Variants in COL23A1 observed in about 807,000 individuals in gnomAD.
COL23A1 encodes the protein collagen alpha-1(XXIII) chain.
A neutral mutation model predicts 99.3 loss-of-function variants in COL23A1; 97 were observed. That is an observed-to-expected ratio of 0.98 (90% CI 0.83 to 1.16). The LOEUF (loss-of-function observed/expected upper bound fraction) is 1.16, where lower values mean the gene tolerates loss of function less well. Among genes scored for constraint, COL23A1 ranks in the 50% most tolerant of loss-of-function variants. The pLI is 0.00. For missense variants in COL23A1, 762 were observed against 757.4 expected, an observed-to-expected ratio of 1.01 and a Z score of -0.07; for synonymous variants, 320 against 308.2, an observed-to-expected ratio of 1.04 and a Z score of -0.40.
At chr5:178,493,734 G>C (rs1425198979) in intron 2 of COL23A1, among the ~76,000 whole-genome samples, 1 of 152,236 alleles carries the variant, frequency 6.6e-6, no homozygotes, top group Non-Finnish European at 1.5e-5. Flanking sequence ...GAAATACAGT[G>C]GCTGCACGCA....
chr5:178,312,141 T>C (rs1758727990), intron 2 of COL23A1, among the ~76,000 whole-genome samples: 1 of 152,198 alleles, frequency 6.6e-6, no homozygotes, highest in Non-Finnish European at 1.5e-5. Flanking sequence ...ACGGAGCCCT[T>C]GACTGCACTT....
chr5:178,496,403 T>G (rs1283479845), intron 2 of COL23A1, among the ~76,000 whole-genome samples: 1 of 152,174 alleles, frequency 6.6e-6, no homozygotes, highest in East Asian at 1.9e-4. Context: ...GAGAAAGGAA[T>G]GCCTTCTTGT....
intron 2 of COL23A1, among the ~76,000 whole-genome samples, chr5:178,430,937 G>A (rs1399583335): frequency 6.6e-6 from 1 of 152,098 alleles, no homozygotes; most frequent in Non-Finnish European, 1.5e-5. Flanking sequence ...TCATACAGAC[G>A]TAAAGACATG....
chr5:178,249,651 A>G (rs1250783160), intron 18 of COL23A1, among the ~76,000 whole-genome samples: 2 of 149,300 alleles, frequency 1.3e-5, no homozygotes, highest in Admixed American at 1.3e-4. Flanking sequence ...ATAGCAAGTG[A>G]CCCCACGAAT....
intron 2 of COL23A1, among the ~76,000 whole-genome samples, chr5:178,337,536 C>T (rs549874176): frequency 2.6e-5 from 4 of 152,142 alleles, no homozygotes; most frequent in South Asian, 2.1e-4. Flanking sequence ...GACAGAGAGA[C>T]GGAGTGGGGT....
chr5:178,478,187 G>A (rs1369895006), intron 2 of COL23A1, among the ~76,000 whole-genome samples: 1 of 152,174 alleles, frequency 6.6e-6, no homozygotes, highest in Non-Finnish European at 1.5e-5. Context: ...AGCCCCTTCC[G>A]AGCTCTGTAC....
At chr5:178,256,641 G>A (rs1271309210) in intron 14 of COL23A1, among the ~76,000 whole-genome samples, 1 of 152,228 alleles carries the variant, frequency 6.6e-6, no homozygotes, top group Non-Finnish European at 1.5e-5. Context: ...AGGCTGCATG[G>A]TGAGTTGGCC....
intron 10 of COL23A1, 55 bp from the exon 11 acceptor site, chr5:178,261,803 C>T: frequency 7.0e-7 from 1 of 1,433,018 alleles, no homozygotes; most frequent in Non-Finnish European, 9.9e-7. Flanking sequence ...GCTCCTGGGC[C>T]TGTCCTTCTT....
At chr5:178,543,876 GT>G (rs1761434259) in intron 2 of COL23A1, among the ~76,000 whole-genome samples, 1 of 152,152 alleles carries the variant, frequency 6.6e-6, no homozygotes, top group African/African-American at 2.4e-5. Context: ...TCTGGAGGCT[GT>G]AAGGCGCCTG....
At chr5:178,524,139 G>A (rs1347668880) in intron 2 of COL23A1, among the ~76,000 whole-genome samples, 1 of 152,170 alleles carries the variant, frequency 6.6e-6, no homozygotes, top group Non-Finnish European at 1.5e-5. Flanking sequence ...TGCCCCTCTT[G>A]ACTGAAAAAT....
chr5:178,251,613 G>A (rs1292670650), intron 17 of COL23A1, among the ~76,000 whole-genome samples: 1 of 152,176 alleles, frequency 6.6e-6, no homozygotes, highest in Non-Finnish European at 1.5e-5. Context: ...GGGGTACACG[G>A]GCAGGGTTGT....
intron 2 of COL23A1, among the ~76,000 whole-genome samples, chr5:178,358,254 GTATGTATA>G (rs1561896852): frequency 1.4e-5 from 2 of 144,088 alleles, no homozygotes; most frequent in South Asian, 2.2e-4. Context: ...GTATGTGTGT[GTATGTATA>G]TGTGTGTATA....
intron 5 of COL23A1, among the ~76,000 whole-genome samples, chr5:178,275,308 G>T (rs1756522483): frequency 6.6e-6 from 1 of 152,246 alleles, no homozygotes; most frequent in Admixed American, 6.5e-5. Context: ...GGGGGACAGT[G>T]CTGGGAGCGA....
rs898531084 is a variant in COL23A1, at chr5:178,552,870, C to T, written c.361+7812G>A. Among the ~76,000 whole-genome samples the T allele has an allele frequency of 3.3e-5, 5 of 152,170 alleles. No individual in the cohort carries two copies. In the East Asian group the frequency reaches 7.8e-4, roughly 24 times the overall value. The stretch of plus-strand genomic sequence containing the variant: ...CTGGGACTACAGGCGCGTGCCACCA[C>T]ACCTGGCTAATTTTTGTATTTTTAG... On this transcript the variant is annotated intron_variant, in intron 2 of 28. Transcript: ENST00000390654.
At chr5:178,425,722 C>T (rs929707008) in intron 2 of COL23A1, among the ~76,000 whole-genome samples, 1 of 152,234 alleles carries the variant, frequency 6.6e-6, no homozygotes, top group African/African-American at 2.4e-5. Context: ...CGGCCATCTG[C>T]AGCTTCAAAG....
At chr5:178,242,692 G>T (rs1271662004) in intron 25 of COL23A1, among the ~76,000 whole-genome samples, 1 of 152,230 alleles carries the variant, frequency 6.6e-6, no homozygotes, top group East Asian at 1.9e-4. Flanking sequence ...GCTGGCACTG[G>T]TCTAGGCTTG....
intron 2 of COL23A1, among the ~76,000 whole-genome samples, chr5:178,555,983 C>T (rs1562086392): frequency 6.6e-6 from 1 of 151,382 alleles, no homozygotes; most frequent in African/African-American, 2.5e-5. Flanking sequence ...CTGCAGCGTG[C>T]CTGGGAGAAC....
chr5:178,587,921 G>A (rs73346597), intron 1 of COL23A1, among the ~76,000 whole-genome samples: 4,156 of 152,242 alleles, frequency 0.027, 117 homozygotes, highest in African/African-American at 0.069. Context: ...ACAACCAGAA[G>A]TTCAGCCCCA....
chr5:178,513,361 C>T (rs1759320555), intron 2 of COL23A1, among the ~76,000 whole-genome samples: 1 of 152,196 alleles, frequency 6.6e-6, no homozygotes, highest in Admixed American at 6.5e-5. Context: ...AGGCACAGAG[C>T]TTAAGTAGCT....
Sources: allele counts gnomAD v4.1 joint callset (sites outside exome capture counted in the v4.1 genomes callset), GRCh38; gene constraint gnomAD v4.1.1; transcripts MANE v1.5; gene names NCBI Gene and HGNC (gene_info 2026-07-23, HGNC 2026-07-21).